The following LMBRD1 variants were observed in gnomAD, a reference collection of about 807,000 sequenced individuals.
LMBRD1 encodes the protein lysosomal cobalamin transport escort protein LMBD1.
LMBRD1 carries 64 observed loss-of-function variants against 74.8 expected under a neutral mutation model. The observed-to-expected ratio is 0.86, with a 90% CI of 0.70 to 1.05. The LOEUF (loss-of-function observed/expected upper bound fraction) is 1.05. Among genes scored for constraint, LMBRD1 ranks in the 50% least tolerant of loss-of-function variants. LMBRD1 has a pLI of 0.00. For missense variants in LMBRD1, 652 were observed against 645.9 expected, an observed-to-expected ratio of 1.01 and a Z score of -0.10; for synonymous variants, 204 against 216.3, an observed-to-expected ratio of 0.94 and a Z score of 0.50.
intron 8 of LMBRD1, 79 bp from the exon 9 acceptor site, chr6:69,713,876 A>G: frequency 1.3e-6 from 2 of 1,526,790 alleles, no homozygotes; most frequent in Admixed American, 1.7e-5. Flanking sequence ...AGATCAGGCA[A>G]CAAAACCTTT....
rs67075550 is a variant in LMBRD1, at chr6:69,691,147, C to CTTT, written c.1417+6415_1417+6416insAAA. 6.7e-3 allele frequency among the ~76,000 whole-genome samples: 921 copies of CTTT among 138,472 alleles called. 6 individuals are homozygous for CTTT. Among genetic ancestry groups the CTTT allele is most frequent in the Middle Eastern group, 0.015 (4 of 270 alleles). 90.8% of individuals were successfully genotyped at this position (138,472 alleles called of 152,430 possible). A position where few individuals can be genotyped will look rare whatever the true frequency, so the allele number is the denominator to read the frequency against. On this transcript the variant is annotated intron_variant, in intron 14 of 15. Transcript: ENST00000649934. ...TAAAAAGCAGCAACGGCCTCTCTCT[C>CTTT]TCTTTTTTTTTTTAACAATTTAAAG...
chr6:69,713,358 T>C (rs1210702477), intron 9 of LMBRD1, among the ~76,000 whole-genome samples: 1 of 152,128 alleles, frequency 6.6e-6, no homozygotes, highest in Non-Finnish European at 1.5e-5. Flanking sequence ...AAGTCCCAGA[T>C]CAATTTATAG....
chr6:69,706,606 C>T (rs1237231468), intron 9 of LMBRD1, among the ~76,000 whole-genome samples: 1 of 151,984 alleles, frequency 6.6e-6, no homozygotes, highest in East Asian at 1.9e-4. Context: ...TAAGTTATAC[C>T]TTACTGATTA....
chr6:69,764,991 G>A (rs1033465179), intron 3 of LMBRD1, among the ~76,000 whole-genome samples: 1 of 150,942 alleles, frequency 6.6e-6, no homozygotes, highest in East Asian at 1.9e-4. Context: ...GTGCAGTGGT[G>A]AGATCTTGGC....
chr6:69,782,525 G>A (rs1293822403), intron 2 of LMBRD1, among the ~76,000 whole-genome samples: 4 of 152,096 alleles, frequency 2.6e-5, no homozygotes, highest in Non-Finnish European at 5.9e-5. Context: ...CTTGAGGTCA[G>A]GAGTTTGAGG....
chr6:69,787,526 C>A (rs1765981097), intron 2 of LMBRD1, among the ~76,000 whole-genome samples: 1 of 152,078 alleles, frequency 6.6e-6, no homozygotes, highest in Admixed American at 6.6e-5. Flanking sequence ...GGGTGGATCA[C>A]CTGAGATCAG....
At chr6:69,707,917 C>T (rs550201822) in intron 9 of LMBRD1, among the ~76,000 whole-genome samples, 1 of 152,202 alleles carries the variant, frequency 6.6e-6, no homozygotes, top group African/African-American at 2.4e-5. Flanking sequence ...TGTGAATGTA[C>T]TTACTGCTAT....
At chr6:69,738,983 A>C (rs1767036285) in intron 6 of LMBRD1, among the ~76,000 whole-genome samples, 1 of 152,148 alleles carries the variant, frequency 6.6e-6, no homozygotes, top group South Asian at 2.1e-4. Flanking sequence ...ACAAATTCAC[A>C]ATCACGCAAG....
chr6:69,795,346 C>G (rs891194320), intron 1 of LMBRD1, among the ~76,000 whole-genome samples: 3 of 152,154 alleles, frequency 2.0e-5, no homozygotes. Flanking sequence ...TGTCTATTCT[C>G]TTAAGTCCTG....
In LMBRD1 at chr6:69,740,297, C is replaced by CA. The variant is rs577340653; in HGVS notation, c.562+1491dup. On this transcript the variant is annotated intron_variant, in intron 6 of 15. Coordinates refer to ENST00000649934, the MANE Select transcript of LMBRD1 (RefSeq NM_018368.4). The stretch of plus-strand genomic sequence containing the variant: ...GAATATGGTGTTTAACACTGGGAGA[C>CA]AAAAAAAATAAAGACTAAAGAGAAT... Among the ~76,000 whole-genome samples, 400 of 150,398 alleles carry CA rather than the reference C, an allele frequency of 2.7e-3. 4 individuals carry two copies. Among genetic ancestry groups the CA allele is most frequent in the African/African-American group, 9.4e-3 (387 of 40,954 alleles).
intron 7 of LMBRD1, among the ~76,000 whole-genome samples, chr6:69,727,473 A>G (rs566499353): frequency 6.6e-6 from 1 of 152,212 alleles, no homozygotes; most frequent in Non-Finnish European, 1.5e-5. Flanking sequence ...CCCTCTAATT[A>G]CCTCAATTTT....
At chr6:69,774,373 G>A (rs909400443) in intron 3 of LMBRD1, among the ~76,000 whole-genome samples, 17 of 152,066 alleles carry the variant, frequency 1.1e-4, no homozygotes, top group African/African-American at 4.1e-4. Flanking sequence ...ATCAGCAGTG[G>A]GAGAACAGGC....
intron 7 of LMBRD1, 133 bp from the exon 8 acceptor site, chr6:69,719,214 A>G: frequency 4.0e-6 from 3 of 749,180 alleles, no homozygotes; most frequent in Non-Finnish European, 6.7e-6. Context: ...AAAACATGGT[A>G]TATGGGAGTG....
chr6:69,700,092 G>C (rs2445968), intron 12 of LMBRD1, among the ~76,000 whole-genome samples: 17,613 of 151,686 alleles, frequency 0.12, 1,383 homozygotes, highest in Middle Eastern at 0.2. Flanking sequence ...GATACTCAAA[G>C]AATTACAGAG....
intron 14 of LMBRD1, among the ~76,000 whole-genome samples, chr6:69,679,190 A>G (rs909505766): frequency 2.0e-5 from 3 of 152,156 alleles, no homozygotes; most frequent in Admixed American, 2.0e-4. Flanking sequence ...TCTTCTCTTT[A>G]TCAACAGAAA....
chr6:69,754,010 G>A (rs1371495184), intron 3 of LMBRD1, among the ~76,000 whole-genome samples: 1 of 151,904 alleles, frequency 6.6e-6, no homozygotes, highest in African/African-American at 2.4e-5. Context: ...GCATAACCAG[G>A]ACATTACGCT....
intron 7 of LMBRD1, among the ~76,000 whole-genome samples, chr6:69,727,102 G>T (rs7759966): frequency 0.36 from 54,799 of 151,884 alleles, 10,476 homozygotes; most frequent in East Asian, 0.54. Flanking sequence ...GAGGTTGCAG[G>T]GAGTTGAGAT....
At chr6:69,774,991 G>GGA (rs1394719550) in intron 3 of LMBRD1, among the ~76,000 whole-genome samples, 6,270 of 42,610 alleles carry the variant, frequency 0.15, 1,256 homozygotes, top group East Asian at 0.32. Context: ...GGAAGGAAGG[G>GGA]AGGGAGGGAG....
intron 7 of LMBRD1, among the ~76,000 whole-genome samples, chr6:69,720,569 ATTTTGGTATATTTGGTATATTTTTTGGAC>A (rs1203124200): frequency 1.3e-5 from 2 of 152,062 alleles, no homozygotes; most frequent in Non-Finnish European, 2.9e-5. Flanking sequence ...TATTTGGTAT[ATTTTGGTATATTTGGTATATTTTTTGGAC>A]TTTTGGTATA....
Sources: allele counts gnomAD v4.1 joint callset (sites outside exome capture counted in the v4.1 genomes callset), GRCh38; gene constraint gnomAD v4.1.1; transcripts MANE v1.5; gene names NCBI Gene and HGNC (gene_info 2026-07-23, HGNC 2026-07-21).